Variants in STRN observed in about 807,000 individuals in gnomAD.
STRN encodes the protein striatin, also known as protein phosphatase 2 regulatory subunit B'''alpha.
Under a neutral mutation model 96.3 loss-of-function variants are expected in STRN, and 53 were observed. That is an observed-to-expected ratio of 0.55 (90% CI 0.44 to 0.69). The LOEUF (loss-of-function observed/expected upper bound fraction) is 0.69, where lower values mean the gene tolerates loss of function less well. Among genes scored for constraint, STRN ranks in the 30% least tolerant of loss-of-function variants. STRN has a pLI of 0.00. For synonymous variants in STRN, 428 were observed against 355.9 expected, an observed-to-expected ratio of 1.20 and a Z score of -2.28; for missense variants, 987 against 963.9, an observed-to-expected ratio of 1.02 and a Z score of -0.32.
intron 2 of STRN, among the ~76,000 whole-genome samples, chr2:36,923,168 G>A (rs145600761): frequency 4.6e-4 from 69 of 149,110 alleles, no homozygotes; most frequent in African/African-American, 1.5e-3. Context: ...TCAAATACTC[G>A]GCCAGGTACA....
rs1320642456 is a variant in STRN at position 36,844,151 on chromosome 2, T to C, written c.*5305A>G. 6.6e-6 allele frequency: 1 copy of C among 152,002 alleles called. No individual in the cohort carries two copies. The highest frequency in any genetic ancestry group is 1.5e-5 in the Non-Finnish European group (1 of 67,996). 9.4% of individuals were successfully genotyped at this position (152,002 alleles called of 1,614,324 possible). On this transcript the variant is annotated 3_prime_UTR_variant, in exon 18 of 18. Coordinates refer to ENST00000263918, the MANE Select transcript of STRN (RefSeq NM_003162.4). ...AAGAAGTGGTTCCTCCTAAAAAAGG[T>C]ATTAGATCATAGAGTTGGGATTAGG...
At chr2:36,867,208 A>C (rs993568624) in intron 12 of STRN, among the ~76,000 whole-genome samples, 1 of 152,134 alleles carries the variant, frequency 6.6e-6, no homozygotes, top group African/African-American at 2.4e-5. Flanking sequence ...CCCTTCGGCC[A>C]GGTGCCTGTA....
intron 1 of STRN, among the ~76,000 whole-genome samples, chr2:36,957,896 G>A (rs983584780): frequency 3.5e-5 from 5 of 142,708 alleles, no homozygotes; most frequent in Non-Finnish European, 7.6e-5. Flanking sequence ...GATTACAGGC[G>A]CCCATCACGA....
chr2:36,913,556 A>C (rs1670015612), intron 3 of STRN, among the ~76,000 whole-genome samples: 2 of 152,186 alleles, frequency 1.3e-5, no homozygotes, highest in Non-Finnish European at 2.9e-5. Context: ...TGCGCTCAAT[A>C]GCACTTATTA....
At chr2:36,889,396 A>T (rs186990286) in intron 7 of STRN, among the ~76,000 whole-genome samples, 1 of 152,192 alleles carries the variant, frequency 6.6e-6, no homozygotes, top group African/African-American at 2.4e-5. Flanking sequence ...AGAAAGACAT[A>T]ACAATTAAAA....
chr2:36,851,350 G>C (rs1032839798), intron 15 of STRN, among the ~76,000 whole-genome samples: 8 of 152,084 alleles, frequency 5.3e-5, no homozygotes, highest in African/African-American at 1.9e-4. Flanking sequence ...GAGTGTGGTG[G>C]TGCGTGCCTG....
intron 3 of STRN, among the ~76,000 whole-genome samples, chr2:36,915,476 AT>A (rs1670073277): frequency 6.6e-6 from 1 of 151,740 alleles, no homozygotes; most frequent in African/African-American, 2.4e-5. Context: ...TTAATATCTG[AT>A]TTACAAGTAA....
chr2:36,859,200 G>A (rs935406433), intron 13 of STRN, among the ~76,000 whole-genome samples: 1 of 152,126 alleles, frequency 6.6e-6, no homozygotes, highest in Non-Finnish European at 1.5e-5. Context: ...GGGGCAGCAG[G>A]ATCAAGTATG....
rs553351693 is a variant in STRN, at chr2:36,948,081, C to CTTTTTTTTTTTTTTT, written c.234+18134_234+18148dup. ...TCTCCTCTATAATTATCAGTGCACTCTTTTTTTTTTTTTTTTTTTTTTTTT... is the reference window on the plus strand; with the variant it reads ...TCTCCTCTATAATTATCAGTGCACTCTTTTTTTTTTTTTTTTTTTTTTTTTTTTTTTTTTTTTTTT... On this transcript the variant is annotated intron_variant, in intron 1 of 17. Transcript: ENST00000263918. Among the ~76,000 whole-genome samples the CTTTTTTTTTTTTTTT allele has an allele frequency of 2.5e-4, 17 of 68,136 alleles. 4 individuals carry two copies. Among genetic ancestry groups the CTTTTTTTTTTTTTTT allele is most frequent in the African/African-American group, 5.0e-4 (8 of 15,884 alleles). 44.7% of individuals were successfully genotyped at this position (68,136 alleles called of 152,430 possible). A position where few individuals can be genotyped will look rare whatever the true frequency, so the allele number is the denominator to read the frequency against.
At chr2:36,894,674 G>A (rs1302975251) in intron 6 of STRN, among the ~76,000 whole-genome samples, 1 of 152,174 alleles carries the variant, frequency 6.6e-6, no homozygotes, top group Non-Finnish European at 1.5e-5. Context: ...CAATATCTCA[G>A]TTTCTCTAGA....
intron 2 of STRN, among the ~76,000 whole-genome samples, chr2:36,919,212 G>A (rs921685931): frequency 3.9e-5 from 6 of 152,146 alleles, no homozygotes; most frequent in African/African-American, 1.4e-4. Context: ...GTTAGGTAAG[G>A]GTGGAAGGTG....
intron 7 of STRN, among the ~76,000 whole-genome samples, chr2:36,888,502 AG>A (rs1669298459): frequency 6.6e-6 from 1 of 152,086 alleles, no homozygotes; most frequent in African/African-American, 2.4e-5. Context: ...TACTATCTTA[AG>A]GCATTTGCAC....
chr2:36,913,059 C>T (rs937486175), intron 3 of STRN, among the ~76,000 whole-genome samples: 6 of 152,146 alleles, frequency 3.9e-5, no homozygotes, highest in African/African-American at 1.4e-4. Context: ...TTCCTGAACA[C>T]ACCCTTGTCA....
intron 14 of STRN, among the ~76,000 whole-genome samples, chr2:36,856,873 C>T (rs567737899): frequency 1.6e-4 from 25 of 152,224 alleles, no homozygotes; most frequent in Admixed American, 1.4e-3. Context: ...GGTCCCACCC[C>T]CTTCTTCCTC....
At chr2:36,946,532 A>C (rs1342220447) in intron 1 of STRN, among the ~76,000 whole-genome samples, 1 of 152,234 alleles carries the variant, frequency 6.6e-6, no homozygotes, top group East Asian at 1.9e-4. Context: ...AATTATTACC[A>C]AGGTAAGCGC....
intron 6 of STRN, among the ~76,000 whole-genome samples, chr2:36,894,837 A>G (rs1024744451): frequency 6.6e-6 from 1 of 152,184 alleles, no homozygotes; most frequent in Non-Finnish European, 1.5e-5. Context: ...AAAGATGACA[A>G]ACACGTGACT....
Position 36,838,323 on chromosome 2 carries a change from T to A in STRN, c.*11133A>T, listed in dbSNP as rs1667867656. Among the ~76,000 whole-genome samples, 1 of 152,196 alleles carries A rather than the reference T, an allele frequency of 6.6e-6. No homozygotes were observed. Among genetic ancestry groups the A allele is most frequent in the Admixed American group, 6.5e-5 (1 of 15,282 alleles). ...CAGAGCTTTAGTTGAGTACCCACCC[T>A]GGAAGACACTTTCATTTCAGCCTTG... On this transcript the variant is annotated 3_prime_UTR_variant, in exon 18 of 18. Transcript: ENST00000263918.
chr2:36,882,390 A>T (rs1218733917), intron 9 of STRN, among the ~76,000 whole-genome samples: 1 of 152,118 alleles, frequency 6.6e-6, no homozygotes, highest in Non-Finnish European at 1.5e-5. Context: ...TGATTGTTTT[A>T]AGAGACAGGG....
At chr2:36,886,859 T>C in intron 7 of STRN, 33 bp from the exon 8 acceptor site, 1 of 1,554,926 alleles carries the variant, frequency 6.4e-7, no homozygotes, top group Non-Finnish European at 8.8e-7. Context: ...AACAGCCTTT[T>C]TCAATAAAAT....
Sources: allele counts gnomAD v4.1 joint callset (sites outside exome capture counted in the v4.1 genomes callset), GRCh38; gene constraint gnomAD v4.1.1; transcripts MANE v1.5; gene names NCBI Gene and HGNC (gene_info 2026-07-23, HGNC 2026-07-21).